The following PCSK5 variants were observed in gnomAD, a reference collection of about 807,000 sequenced individuals.
The protein encoded by PCSK5 is prohormone convertase 5.
A neutral mutation model predicts 233.2 loss-of-function variants in PCSK5; 129 were observed. The observed-to-expected ratio is 0.55, with a 90% CI of 0.48 to 0.64. PCSK5 has a LOEUF of 0.64. Among genes scored for constraint, PCSK5 ranks in the 30% least tolerant of loss-of-function variants. The probability of loss-of-function intolerance (pLI) is 0.00; values close to 1 mark genes in which losing one functional copy is unlikely to be tolerated. For missense variants in PCSK5, 2,076 were observed against 2,430.1 expected, an observed-to-expected ratio of 0.85 and a Z score of 3.06; for synonymous variants, 825 against 879.2, an observed-to-expected ratio of 0.94 and a Z score of 1.09.
At chr9:75,904,689 A>C (rs1436391644) in intron 1 of PCSK5, among the ~76,000 whole-genome samples, 2 of 152,192 alleles carry the variant, frequency 1.3e-5, no homozygotes, top group Admixed American at 6.5e-5. Flanking sequence ...TACAATGGGA[A>C]TGTGCTAATG....
intron 10 of PCSK5, among the ~76,000 whole-genome samples, chr9:76,156,545 A>T (rs1822595034): frequency 6.6e-6 from 1 of 152,224 alleles, no homozygotes; most frequent in South Asian, 2.1e-4. Flanking sequence ...ATACATTGTT[A>T]CTTCTCTTTA....
intron 1 of PCSK5, among the ~76,000 whole-genome samples, chr9:75,905,413 A>C (rs1231444201): frequency 6.6e-6 from 1 of 152,240 alleles, no homozygotes; most frequent in Non-Finnish European, 1.5e-5. Context: ...GCTACTTGGC[A>C]AGCTGAGGCA....
At chr9:75,912,156 G>A (rs568111907) in intron 1 of PCSK5, among the ~76,000 whole-genome samples, 15 of 151,410 alleles carry the variant, frequency 9.9e-5, no homozygotes, top group South Asian at 2.1e-4. Flanking sequence ...TTTTTTTTTC[G>A]ATTGTAAACA....
chr9:76,319,730 A>G (rs1236630956), intron 30 of PCSK5, among the ~76,000 whole-genome samples: 1 of 152,146 alleles, frequency 6.6e-6, no homozygotes, highest in Non-Finnish European at 1.5e-5. Context: ...AGTCATCCGG[A>G]GGCCTAAACC....
intron 26 of PCSK5, among the ~76,000 whole-genome samples, chr9:76,295,814 A>G (rs187302389): frequency 1.2e-4 from 19 of 152,318 alleles, no homozygotes; most frequent in African/African-American, 4.6e-4. Context: ...CCCTTGCCTT[A>G]GGCTTTGGTC....
chr9:75,918,274 G>A (rs561336811), intron 1 of PCSK5, among the ~76,000 whole-genome samples: 1 of 152,298 alleles, frequency 6.6e-6, no homozygotes, highest in East Asian at 1.9e-4. Context: ...TAATGTGCTT[G>A]CACCCTTTGT....
At chr9:75,895,614 C>T (rs997560995) in intron 1 of PCSK5, among the ~76,000 whole-genome samples, 23 of 152,274 alleles carry the variant, frequency 1.5e-4, no homozygotes, top group African/African-American at 5.5e-4. Context: ...GGGCCCTCTT[C>T]CCTCATTCAT....
chr9:76,362,485 T>C lies in PCSK5; in HGVS notation c.*3563T>C, dbSNP rs1830445227. The C allele has an allele frequency of 6.6e-6, 1 of 152,338 alleles. No homozygotes were observed. The highest frequency in any genetic ancestry group is 2.4e-5 in the African/African-American group (1 of 41,576). 9.4% of individuals were successfully genotyped at this position (152,338 alleles called of 1,614,324 possible). On this transcript the variant is annotated 3_prime_UTR_variant, in exon 38 of 38. Coordinates refer to ENST00000674117, the MANE Select transcript of PCSK5 (RefSeq NM_001372043.1). ...CTACACTCAAAGACCAAGCTAGCTT[T>C]ATCAATTCTGAATTTTCTCTCCTAA...
chr9:76,239,751 G>A (rs750888362), intron 23 of PCSK5, among the ~76,000 whole-genome samples: 16 of 151,808 alleles, frequency 1.1e-4, no homozygotes, highest in Non-Finnish European at 2.1e-4. Context: ...AAATGATCTT[G>A]GCGGGTGGGG....
intron 14 of PCSK5, among the ~76,000 whole-genome samples, chr9:76,178,401 TACCTAAGTATC>T (rs1823708778): frequency 6.6e-6 from 1 of 152,208 alleles, no homozygotes; most frequent in Admixed American, 6.5e-5. Flanking sequence ...CAGGAATTTT[TACCTAAGTATC>T]AGGGCCTATG....
chr9:75,976,883 G>A (rs1332138932), intron 2 of PCSK5, among the ~76,000 whole-genome samples: 1 of 151,994 alleles, frequency 6.6e-6, no homozygotes, highest in African/African-American at 2.4e-5. Flanking sequence ...TGTAAGAGTT[G>A]GTTGACAGTC....
intron 2 of PCSK5, among the ~76,000 whole-genome samples, chr9:75,977,352 A>G (rs954250225): frequency 1.3e-5 from 2 of 150,320 alleles, no homozygotes; most frequent in African/African-American, 4.9e-5. Flanking sequence ...TCCAGCATCC[A>G]TTCACTGTTC....
intron 9 of PCSK5, among the ~76,000 whole-genome samples, chr9:76,120,089 A>G (rs1832575486): frequency 6.6e-6 from 1 of 152,064 alleles, no homozygotes; most frequent in Non-Finnish European, 1.5e-5. Context: ...ATTAAAGTTG[A>G]ACCAACTAGA....
chr9:76,125,320 G>A (rs971317119), intron 9 of PCSK5, among the ~76,000 whole-genome samples: 7 of 152,074 alleles, frequency 4.6e-5, no homozygotes, highest in African/African-American at 1.4e-4. Flanking sequence ...GAGGCTGAAC[G>A]TCCAGTCCCT....
At chr9:76,308,511 G>T in intron 28 of PCSK5, 134 bp from the exon 29 acceptor site, 1 of 674,140 alleles carries the variant, frequency 1.5e-6, no homozygotes, top group Non-Finnish European at 2.7e-6. Context: ...CCAACAATCA[G>T]CTCATGTACA....
intron 3 of PCSK5, among the ~76,000 whole-genome samples, chr9:76,021,428 T>C (rs1304842941): frequency 2.0e-5 from 3 of 151,904 alleles, no homozygotes; most frequent in Non-Finnish European, 2.9e-5. Flanking sequence ...AAAAAGGCTA[T>C]GTGTTAAGAG....
intron 9 of PCSK5, among the ~76,000 whole-genome samples, chr9:76,125,783 A>C (rs1297737583): frequency 2.0e-5 from 3 of 152,220 alleles, no homozygotes; most frequent in Admixed American, 6.5e-5. Flanking sequence ...AAGAAGCTCA[A>C]GGCTTCCAAG....
chr9:76,135,885 G>C (rs1406943829), intron 10 of PCSK5, among the ~76,000 whole-genome samples: 1 of 152,134 alleles, frequency 6.6e-6, no homozygotes, highest in Middle Eastern at 3.4e-3. Flanking sequence ...AATTTAAAAA[G>C]AGCAAATGGT....
In PCSK5 at chr9:76,361,819, C is replaced by G. The variant is rs1404005377; in HGVS notation, c.*2897C>G. The G allele has an allele frequency of 6.6e-6, 1 of 152,208 alleles. No individual in the cohort carries two copies. Among genetic ancestry groups the G allele is most frequent in the Non-Finnish European group, 1.5e-5 (1 of 68,046 alleles). 9.4% of individuals were successfully genotyped at this position (152,208 alleles called of 1,614,324 possible). ...TGATAGCCATCATATCAATGGAAGACTTTCTCACCTCTGTGGTTGCAGTTA... is the reference window on the plus strand; with the variant it reads ...TGATAGCCATCATATCAATGGAAGAGTTTCTCACCTCTGTGGTTGCAGTTA... On this transcript the variant is annotated 3_prime_UTR_variant, in exon 38 of 38. Coordinates refer to ENST00000674117, the MANE Select transcript of PCSK5 (RefSeq NM_001372043.1).
Sources: gnomAD v4.1 joint callset for allele counts (sites outside exome capture counted in the v4.1 genomes callset) on GRCh38, gnomAD v4.1.1 for gene constraint, MANE v1.5 for transcripts, NCBI Gene and HGNC (gene_info 2026-07-23, HGNC 2026-07-21) for gene names.